Variants in PRR5L observed in about 807,000 individuals in gnomAD.
PRR5L encodes the protein proline-rich protein 5-like.
Under a neutral mutation model 36.4 loss-of-function variants are expected in PRR5L, and 21 were observed. The ratio of observed to expected loss-of-function variants is 0.58; its 90% confidence interval spans 0.41 to 0.83. The LOEUF is 0.83. Ranked by LOEUF, PRR5L falls within the 40% of genes least tolerant of loss-of-function variation. PRR5L has a pLI of 0.00. For synonymous variants in PRR5L, 188 were observed against 197.0 expected, an observed-to-expected ratio of 0.95 and a Z score of 0.38; for missense variants, 381 against 473.3, an observed-to-expected ratio of 0.80 and a Z score of 1.81.
intron 5 of PRR5L, among the ~76,000 whole-genome samples, chr11:36,435,558 A>G (rs1223989774): frequency 1.3e-5 from 2 of 152,206 alleles, no homozygotes; most frequent in Non-Finnish European, 2.9e-5. Context: ...CAGAAGGGCT[A>G]GCATATGCAA....
intron 1 of PRR5L, among the ~76,000 whole-genome samples, chr11:36,301,639 T>C (rs1231352211): frequency 2.6e-5 from 4 of 152,030 alleles, no homozygotes; most frequent in Non-Finnish European, 5.9e-5. Context: ...TTAATAAACA[T>C]ACGGAGGGGC....
intron 1 of PRR5L, among the ~76,000 whole-genome samples, chr11:36,332,606 A>T (rs1348672366): frequency 1.3e-5 from 2 of 152,086 alleles, no homozygotes; most frequent in African/African-American, 4.8e-5. Context: ...TGTGATCCCC[A>T]GTGGTGGAGG....
chr11:36,464,954 G>C lies in PRR5L; in HGVS notation c.*2218G>C, dbSNP rs1859265948. 6.6e-6 allele frequency: 1 copy of C among 152,150 alleles called. No homozygotes were observed. The highest frequency in any genetic ancestry group is 1.5e-5 in the Non-Finnish European group (1 of 68,026). 9.4% of individuals were successfully genotyped at this position (152,150 alleles called of 1,614,324 possible). A position where few individuals can be genotyped will look rare whatever the true frequency, so the allele number is the denominator to read the frequency against. ...ACATTTGATATTTGTGCAGTAAATAGACTGTACCTATAAAAAATTTTATTG... is the reference window on the plus strand; with the variant it reads ...ACATTTGATATTTGTGCAGTAAATACACTGTACCTATAAAAAATTTTATTG... On this transcript the variant is annotated 3_prime_UTR_variant, in exon 9 of 9. Coordinates refer to ENST00000530639, the MANE Select transcript of PRR5L (RefSeq NM_001160167.2).
chr11:36,426,579 T>C (rs557037523), intron 4 of PRR5L, among the ~76,000 whole-genome samples: 3 of 152,342 alleles, frequency 2.0e-5, no homozygotes, highest in South Asian at 4.1e-4. Context: ...GGGAAAGATA[T>C]GGGCTTTGGA....
intron 1 of PRR5L, among the ~76,000 whole-genome samples, chr11:36,353,739 G>A (rs959464165): frequency 6.6e-6 from 1 of 152,170 alleles, no homozygotes; most frequent in African/African-American, 2.4e-5. Context: ...AGAATTTAAT[G>A]CTGCAGCTGA....
At chr11:36,403,852 C>T (rs759338296) in intron 3 of PRR5L, among the ~76,000 whole-genome samples, 2 of 152,206 alleles carry the variant, frequency 1.3e-5, no homozygotes, top group Non-Finnish European at 2.9e-5. Context: ...CCTTGCCCTC[C>T]TGGAATTTAT....
At chr11:36,439,938 C>T (rs1394142017) in intron 6 of PRR5L, among the ~76,000 whole-genome samples, 1 of 152,020 alleles carries the variant, frequency 6.6e-6, no homozygotes, top group Admixed American at 6.6e-5. Context: ...CCCCATCAAG[C>T]CTAAAACAAG....
At chr11:36,458,055 G>A (rs748452687) in intron 8 of PRR5L, among the ~76,000 whole-genome samples, 28 of 152,216 alleles carry the variant, frequency 1.8e-4, no homozygotes, top group Non-Finnish European at 4.0e-4. Context: ...GTAACTTGGA[G>A]AGTACGAGCA....
At chr11:36,461,131 G>A (rs1859169241) in intron 8 of PRR5L, among the ~76,000 whole-genome samples, 1 of 152,184 alleles carries the variant, frequency 6.6e-6, no homozygotes, top group Admixed American at 6.5e-5. Context: ...GAGAGAGACA[G>A]ACCTTGTTTG....
chr11:36,464,113 T>G lies in PRR5L; in HGVS notation c.*1377T>G, dbSNP rs544737692. On this transcript the variant is annotated 3_prime_UTR_variant, in exon 9 of 9. Transcript: ENST00000530639. ...GGTGCTGCATCCTTCTACTGCTCCCTCCAGGTCTGGGGGCTTTTATCCACC... is the reference window on the plus strand; with the variant it reads ...GGTGCTGCATCCTTCTACTGCTCCCGCCAGGTCTGGGGGCTTTTATCCACC... 6.6e-6 allele frequency: 1 copy of G among 152,328 alleles called. No homozygotes were observed. Among genetic ancestry groups the G allele is most frequent in the South Asian group, 2.1e-4 (1 of 4,824 alleles). The allele number at this position is 152,328 out of a possible 1,614,324, so 9.4% of individuals were successfully genotyped here. A position where few individuals can be genotyped will look rare whatever the true frequency, so the allele number is the denominator to read the frequency against.
chr11:36,424,569 C>T (rs558948260), intron 4 of PRR5L, among the ~76,000 whole-genome samples: 4 of 152,260 alleles, frequency 2.6e-5, no homozygotes, highest in East Asian at 3.9e-4. Context: ...TTGGAAGCGT[C>T]GGGAAATTTT....
intron 1 of PRR5L, among the ~76,000 whole-genome samples, chr11:36,350,928 ATT>A: frequency 2.7e-5 from 1 of 37,468 alleles, no homozygotes; most frequent in Non-Finnish European, 4.6e-5. Flanking sequence ...ATTTATATAT[ATT>A]TATATATTTA....
chr11:36,386,372 T>C (rs1359388465), intron 1 of PRR5L: 2 of 152,256 alleles, frequency 1.3e-5, no homozygotes, highest in South Asian at 2.1e-4. Context: ...TGCTCAGTAC[T>C]ATGCTAGGCA....
chr11:36,446,317 C>A lies in PRR5L; in HGVS notation c.462C>A (p.Ile154=), dbSNP rs1564951826. 1.2e-6 allele frequency: 2 copies of A among 1,613,990 alleles called. No individual in the cohort carries two copies. Among genetic ancestry groups the A allele is most frequent in the East Asian group, 2.2e-5 (1 of 44,882 alleles). ...CCCTCTAGGGCCAGGAGCTGACTAT[C>A]CGCCAGATCTCCCTGCTGGGCTTCC... ...FYPVQGQELT[I]RQISLLGFRD... Residue 154 remains isoleucine (I), a synonymous_variant, in exon 7 of 9, where the codon ATC becomes ATA. Coordinates refer to ENST00000530639, the MANE Select transcript of PRR5L (RefSeq NM_001160167.2).
intron 1 of PRR5L, among the ~76,000 whole-genome samples, chr11:36,360,505 A>G (rs1857075788): frequency 6.6e-6 from 1 of 152,150 alleles, no homozygotes; most frequent in Non-Finnish European, 1.5e-5. Context: ...CAAATATCTG[A>G]CTATCTGGTG....
rs145114661 is a variant in PRR5L, at chr11:36,376,345, AGAGGAGGAGGAGGAG to A, written c.-125-24635_-125-24621del. On this transcript the variant is annotated intron_variant, in intron 1 of 8. Transcript: ENST00000530639. ...AGGGGGAGAAGGGGGAGGAGGAGGA[AGAGGAGGAGGAGGAG>A]GAGGAGGAGGAGGAGGCGGCCGTAA... 23 of 900,918 alleles carry A rather than the reference AGAGGAGGAGGAGGAG, an allele frequency of 2.6e-5. No homozygotes were observed. In the South Asian group the frequency reaches 4.7e-4, roughly 18 times the overall value. 55.8% of individuals were successfully genotyped at this position (900,918 alleles called of 1,614,324 possible).
At chr11:36,343,437 C>G (rs759029237) in intron 1 of PRR5L, among the ~76,000 whole-genome samples, 1 of 152,184 alleles carries the variant, frequency 6.6e-6, no homozygotes, top group Non-Finnish European at 1.5e-5. Flanking sequence ...GTCTCACAAC[C>G]TTGCCTCTGA....
chr11:36,392,384 T>A (rs429034), intron 1 of PRR5L, among the ~76,000 whole-genome samples: 117,804 of 152,084 alleles, frequency 0.77, 45,792 homozygotes, highest in African/African-American at 0.81. Flanking sequence ...TTTTTTGAGG[T>A]ACCTCCAAAC....
At chr11:36,437,339 A>T in intron 5 of PRR5L, 46 bp from the exon 6 acceptor site, 1 of 1,254,272 alleles carries the variant, frequency 8.0e-7, no homozygotes. Context: ...GTAATGACGA[A>T]TTCTTTTCTT....
Sources: gnomAD v4.1 joint callset for allele counts (sites outside exome capture counted in the v4.1 genomes callset) on GRCh38, gnomAD v4.1.1 for gene constraint, MANE v1.5 for transcripts, NCBI Gene and HGNC (gene_info 2026-07-23, HGNC 2026-07-21) for gene names.